The following CGGBP1 variants were observed in gnomAD, a reference collection of about 807,000 sequenced individuals.
The protein encoded by CGGBP1 is CGG triplet repeat-binding protein 1.
Under a neutral mutation model 11.4 loss-of-function variants are expected in CGGBP1, and 4 were observed. The ratio of observed to expected loss-of-function variants is 0.35; its 90% CI spans 0.17 to 0.80. The LOEUF (loss-of-function observed/expected upper bound fraction) is 0.80. Among genes scored for constraint, CGGBP1 ranks in the 30% least tolerant of loss-of-function variants. CGGBP1 has a pLI of 0.52. For missense variants in CGGBP1, 135 were observed against 202.1 expected (o/e 0.67, Z 2.01); for synonymous variants, 76 against 74.1 (o/e 1.03, Z -0.13).
intron 2 of CGGBP1, among the ~76,000 whole-genome samples, chr3:88,070,780 A>G (rs1164147033): frequency 2.0e-5 from 3 of 152,108 alleles, no homozygotes; most frequent in Non-Finnish European, 4.4e-5. Flanking sequence ...TCTGTGAAAT[A>G]AGTACTGTTT....
chr3:88,121,835 G>A (rs1430626288), intron 2 of CGGBP1, among the ~76,000 whole-genome samples: 2 of 152,140 alleles, frequency 1.3e-5, no homozygotes, highest in Non-Finnish European at 2.9e-5. Context: ...GAGTGAATTG[G>A]ATAGGTGGTG....
At chr3:88,062,748 C>G (rs1442437007), upstream of CGGBP1, among the ~76,000 whole-genome samples, 1 of 152,034 alleles carries the variant, frequency 6.6e-6, no homozygotes, top group Admixed American at 6.5e-5. Context: ...TTATTTCATA[C>G]TACAGTGGGG....
intron 2 of CGGBP1, among the ~76,000 whole-genome samples, chr3:88,119,017 C>G (rs1705589078): frequency 2.0e-5 from 3 of 149,562 alleles, no homozygotes; most frequent in South Asian, 4.3e-4. Context: ...CCATTTGACC[C>G]AGCCATCCCA....
At chr3:88,101,832 C>G (rs1704445377) in intron 2 of CGGBP1, among the ~76,000 whole-genome samples, 1 of 152,090 alleles carries the variant, frequency 6.6e-6, no homozygotes, top group South Asian at 2.1e-4. Context: ...TACTTTTTAT[C>G]TTTTTCATAA....
intron 2 of CGGBP1, among the ~76,000 whole-genome samples, chr3:88,134,635 T>G (rs1186620412): frequency 6.6e-6 from 1 of 152,146 alleles, no homozygotes; most frequent in African/African-American, 2.4e-5. Context: ...GTACTTTTGA[T>G]ATCTTAATAA....
At chr3:88,066,674 AT>A (rs1182132674) in intron 2 of CGGBP1, among the ~76,000 whole-genome samples, 2 of 152,210 alleles carry the variant, frequency 1.3e-5, no homozygotes, top group African/African-American at 4.8e-5. Flanking sequence ...TTTTTTAGTT[AT>A]ATCATCTTTT....
intron 2 of CGGBP1, chr3:88,113,095 T>C: frequency 6.7e-7 from 1 of 1,483,452 alleles, no homozygotes; most frequent in Non-Finnish European, 9.1e-7. Context: ...CAATGAAAGT[T>C]ATTCACTTAT....
chr3:88,067,841 G>GT (rs1038219578), intron 2 of CGGBP1, among the ~76,000 whole-genome samples: 1 of 151,912 alleles, frequency 6.6e-6, no homozygotes, highest in African/African-American at 2.4e-5. Flanking sequence ...AGATATGGTG[G>GT]TAACTGGAGG....
At chr3:88,127,337 G>A (rs575250760) in intron 2 of CGGBP1, among the ~76,000 whole-genome samples, 4 of 152,212 alleles carry the variant, frequency 2.6e-5, no homozygotes, top group South Asian at 2.1e-4. Flanking sequence ...GGGATGGGAG[G>A]TGGGACAAGA....
chr3:88,061,965 A>C (rs1706912121), upstream of CGGBP1, among the ~76,000 whole-genome samples: 1 of 152,110 alleles, frequency 6.6e-6, no homozygotes, highest in Non-Finnish European at 1.5e-5. Context: ...TATGAATCAA[A>C]ATTTCTTGGC....
At chr3:88,129,949 G>A in intron 2 of CGGBP1, 1 of 873,520 alleles carries the variant, frequency 1.1e-6, no homozygotes, top group Non-Finnish European at 1.6e-6. Context: ...AAAATTGATT[G>A]TGCAAGGAAC....
chr3:88,053,210 G>C lies in CGGBP1; in HGVS notation c.*2263C>G, dbSNP rs1412200025. The C allele has an allele frequency of 3.9e-5, 6 of 152,034 alleles. No homozygotes were observed. Among genetic ancestry groups the C allele is most frequent in the Admixed American group, 3.9e-4 (6 of 15,260 alleles). 9.4% of individuals were successfully genotyped at this position (152,034 alleles called of 1,614,324 possible). A position where few individuals can be genotyped will look rare whatever the true frequency, so the allele number is the denominator to read the frequency against. On this transcript the variant is annotated 3_prime_UTR_variant, in exon 4 of 4. Transcript: ENST00000482016. ...TGGTTTCAGGGATTTGTATCAGTTCGAGCAGGCTAAAACAATCATTCTGCT... is the reference window on the plus strand; with the variant it reads ...TGGTTTCAGGGATTTGTATCAGTTCCAGCAGGCTAAAACAATCATTCTGCT...
intron 2 of CGGBP1, among the ~76,000 whole-genome samples, chr3:88,070,165 C>T (rs1707424423): frequency 6.6e-6 from 1 of 152,078 alleles, no homozygotes; most frequent in Non-Finnish European, 1.5e-5. Context: ...ATAATTTGTA[C>T]CTTTTGACTT....
At chr3:88,129,478 TTAA>T (rs1291367872) in intron 2 of CGGBP1, among the ~76,000 whole-genome samples, 3 of 152,116 alleles carry the variant, frequency 2.0e-5, no homozygotes, top group Admixed American at 6.6e-5. Context: ...GTTGTGGACA[TTAA>T]TGAGATTAAA....
chr3:88,140,225 T>C, intron 2 of CGGBP1: 1 of 1,612,138 alleles, frequency 6.2e-7, no homozygotes, highest in Non-Finnish European at 8.5e-7. Flanking sequence ...CAGAATGCCA[T>C]GAGCTTTTTG....
intron 2 of CGGBP1, among the ~76,000 whole-genome samples, chr3:88,116,563 C>G (rs1362049559): frequency 9.0e-6 from 1 of 111,652 alleles, no homozygotes; most frequent in Non-Finnish European, 2.0e-5. Context: ...CATATATATA[C>G]ACACACACAC....
At chr3:88,062,372 T>C (rs1437045587), upstream of CGGBP1, among the ~76,000 whole-genome samples, 2 of 152,132 alleles carry the variant, frequency 1.3e-5, no homozygotes, top group East Asian at 1.9e-4. Context: ...TCCTCAATTA[T>C]AGAGGGGAGT....
At position 88,095,473 on chromosome 3, in the gene CGGBP1, T is replaced by C; in HGVS notation, c.-228-37250A>G. 2.0e-5 allele frequency: 8 copies of C among 402,562 alleles called. 1 individual carries two copies. The highest frequency in any genetic ancestry group is 1.5e-4 in the South Asian group (8 of 52,258). 24.9% of individuals were successfully genotyped at this position (402,562 alleles called of 1,614,324 possible). A position where few individuals can be genotyped will look rare whatever the true frequency, so the allele number is the denominator to read the frequency against. On this transcript the variant is annotated intron_variant, in intron 2 of 3. Transcript: ENST00000462901. Reference sequence around the variant, plus strand: ...TCAAGGTACGCATGCAACATCAGTCTCTCTTCATAAAATGCTGTCATAATT... The same window carrying C: ...TCAAGGTACGCATGCAACATCAGTCCCTCTTCATAAAATGCTGTCATAATT...
At chr3:88,101,481 G>A (rs1444773685) in intron 2 of CGGBP1, among the ~76,000 whole-genome samples, 2 of 152,034 alleles carry the variant, frequency 1.3e-5, no homozygotes, top group Non-Finnish European at 2.9e-5. Flanking sequence ...TTTTCACTTA[G>A]AATAATGTTC....
Sources: allele counts gnomAD v4.1 joint callset (sites outside exome capture counted in the v4.1 genomes callset), GRCh38; gene constraint gnomAD v4.1.1; transcripts MANE v1.5; gene names NCBI Gene and HGNC (gene_info 2026-07-23, HGNC 2026-07-21).